Variants in TMCC1 observed in about 807,000 individuals in gnomAD.
TMCC1 encodes transmembrane and coiled-coil domain family 1.
In TMCC1, 15 loss-of-function variants were observed where a neutral mutation model predicts 52.4. That is an observed-to-expected ratio of 0.29 (90% CI 0.19 to 0.44). The LOEUF (loss-of-function observed/expected upper bound fraction) is 0.44, where lower values mean the gene tolerates loss of function less well. TMCC1 is among the 20% of genes least tolerant of loss of function. The pLI, the probability that TMCC1 is intolerant of heterozygous loss-of-function variation, is 1.00. For missense variants in TMCC1, 503 were observed against 806.0 expected (o/e 0.62, Z 4.55); for synonymous variants, 279 against 301.9 (o/e 0.92, Z 0.79).
chr3:129,673,221 G>A (rs1251037273), intron 4 of TMCC1, among the ~76,000 whole-genome samples: 2 of 151,992 alleles, frequency 1.3e-5, no homozygotes, highest in Non-Finnish European at 2.9e-5. Context: ...ATGGACAGAC[G>A]CAGCACAAGG....
chr3:129,738,724 T>TA (rs1425305359), intron 4 of TMCC1, among the ~76,000 whole-genome samples: 1 of 152,296 alleles, frequency 6.6e-6, no homozygotes, highest in African/African-American at 2.4e-5. Flanking sequence ...CATTGGCGAT[T>TA]AAAAAAAGTG....
intron 4 of TMCC1, among the ~76,000 whole-genome samples, chr3:129,823,518 G>A (rs559506073): frequency 3.3e-5 from 5 of 152,050 alleles, no homozygotes; most frequent in Admixed American, 6.6e-5. Context: ...CATAGGCTAT[G>A]ATAACATCAA....
intron 4 of TMCC1, among the ~76,000 whole-genome samples, chr3:129,681,441 T>C (rs545399804): frequency 6.6e-6 from 1 of 151,908 alleles, no homozygotes; most frequent in African/African-American, 2.4e-5. Context: ...GAATGATAAG[T>C]AGTCAACGTT....
rs185851966 is a variant in TMCC1, at chr3:129,711,055, C to T, written c.577-39791G>A. Among the ~76,000 whole-genome samples, 10 of 151,992 alleles carry T rather than the reference C, an allele frequency of 6.6e-5. No individual in the cohort carries two copies. In the East Asian group the frequency reaches 1.4e-3, roughly 21 times the overall value. ...ATTTTTGTATTTTTAGTAGAGACAA[C>T]GTTTTACCATGTTGGCCAGGCTGGT... On this transcript the variant is annotated intron_variant, in intron 4 of 6. Coordinates refer to ENST00000393238, the MANE Select transcript of TMCC1 (RefSeq NM_001017395.5).
intron 2 of TMCC1, among the ~76,000 whole-genome samples, chr3:129,865,315 C>T (rs1421203339): frequency 6.6e-6 from 1 of 150,954 alleles, no homozygotes; most frequent in Non-Finnish European, 1.5e-5. Context: ...GACACCACAT[C>T]ATTTTTTTTT....
intron 4 of TMCC1, among the ~76,000 whole-genome samples, chr3:129,693,584 A>C (rs1215951037): frequency 1.4e-5 from 2 of 147,876 alleles, no homozygotes; most frequent in Non-Finnish European, 3.0e-5. Flanking sequence ...TTCCGGGCTC[A>C]AGTGATCCTC....
rs1170451390 is a variant in TMCC1 at position 129,860,376 on chromosome 3, T to A, written c.-184+19933A>T. The stretch of plus-strand genomic sequence containing the variant: ...TGAGCCACTGCGCCCAGCCCGTGAG[T>A]GGAAATTTGTCCACAATATATTATG... On this transcript the variant is annotated intron_variant, in intron 2 of 6. Transcript: ENST00000393238. Among the ~76,000 whole-genome samples the A allele has an allele frequency of 3.3e-5, 5 of 151,286 alleles. No homozygotes were observed. In the East Asian group the frequency reaches 9.8e-4, roughly 30 times the overall value.
At chr3:129,671,464 T>C (rs1335923870) in intron 4 of TMCC1, among the ~76,000 whole-genome samples, 200 bp from the exon 5 acceptor site, 1 of 152,104 alleles carries the variant, frequency 6.6e-6, no homozygotes, top group African/African-American at 2.4e-5. Flanking sequence ...AAAACAGATA[T>C]ATGAAAAAAG....
At chr3:129,829,446 C>G (rs1233889776) in intron 3 of TMCC1, among the ~76,000 whole-genome samples, 1 of 15,698 alleles carries the variant, frequency 6.4e-5, no homozygotes, top group African/African-American at 2.5e-4. Context: ...TTACTAAAAT[C>G]ACATGCAAAA....
At chr3:129,717,924 C>T (rs1360182063) in intron 4 of TMCC1, among the ~76,000 whole-genome samples, 1 of 152,094 alleles carries the variant, frequency 6.6e-6, no homozygotes, top group Non-Finnish European at 1.5e-5. Flanking sequence ...TCAATGAATT[C>T]CTGTGATACT....
At chr3:129,661,555 T>A (rs980160686) in intron 5 of TMCC1, among the ~76,000 whole-genome samples, 1 of 152,204 alleles carries the variant, frequency 6.6e-6, no homozygotes, top group African/African-American at 2.4e-5. Context: ...ATTGTCTTTT[T>A]AAAAACTTTT....
At chr3:129,707,746 A>C (rs2048352802) in intron 4 of TMCC1, among the ~76,000 whole-genome samples, 1 of 152,130 alleles carries the variant, frequency 6.6e-6, no homozygotes, top group South Asian at 2.1e-4. Flanking sequence ...ATCCTGGCTA[A>C]CACGGTGAAA....
intron 4 of TMCC1, among the ~76,000 whole-genome samples, chr3:129,806,966 G>A (rs1162581435): frequency 6.6e-6 from 1 of 152,018 alleles, no homozygotes; most frequent in Non-Finnish European, 1.5e-5. Flanking sequence ...CTAAGAAAAA[G>A]ATATATATAG....
At chr3:129,782,047 G>C (rs1345971296) in intron 4 of TMCC1, among the ~76,000 whole-genome samples, 2 of 152,218 alleles carry the variant, frequency 1.3e-5, no homozygotes, top group Non-Finnish European at 2.9e-5. Flanking sequence ...GAGAACCAGG[G>C]AGGAGAAATG....
intron 2 of TMCC1, among the ~76,000 whole-genome samples, chr3:129,841,684 TAA>T (rs1158346991): frequency 2.0e-5 from 3 of 152,198 alleles, no homozygotes; most frequent in Non-Finnish European, 4.4e-5. Flanking sequence ...AAGCAGAGCA[TAA>T]AAGTTTGGAA....
intron 4 of TMCC1, among the ~76,000 whole-genome samples, chr3:129,691,966 A>G (rs1476065639): frequency 2.6e-5 from 4 of 152,196 alleles, no homozygotes; most frequent in African/African-American, 9.6e-5. Flanking sequence ...AAAAGTGAAC[A>G]TCTGACACTT....
At chr3:129,892,929 G>C (rs2062041052) in intron 1 of TMCC1, among the ~76,000 whole-genome samples, 1 of 152,198 alleles carries the variant, frequency 6.6e-6, no homozygotes, top group African/African-American at 2.4e-5. Context: ...AGCCCAGCCA[G>C]CTCCTCCTCA....
chr3:129,772,838 G>A (rs533718525), intron 4 of TMCC1, among the ~76,000 whole-genome samples: 6 of 151,702 alleles, frequency 4.0e-5, no homozygotes, highest in African/African-American at 1.2e-4. Flanking sequence ...AAATTACACT[G>A]AGATACCACT....
intron 2 of TMCC1, chr3:129,869,200 G>C (rs759731440): frequency 9.9e-5 from 15 of 152,010 alleles, no homozygotes; most frequent in Non-Finnish European, 2.1e-4. Flanking sequence ...AGGAACTGGG[G>C]ACTGACTAAA....
Sources: gnomAD v4.1 joint callset for allele counts (sites outside exome capture counted in the v4.1 genomes callset) on GRCh38, gnomAD v4.1.1 for gene constraint, MANE v1.5 for transcripts, NCBI Gene and HGNC (gene_info 2026-07-23, HGNC 2026-07-21) for gene names.